GPC6: variants seen among roughly 807,000 people sequenced by gnomAD.
The protein encoded by GPC6 is glypican 6, also known as glypican-6.
GPC6 carries 14 observed loss-of-function variants against 55.2 expected under a neutral mutation model. The observed-to-expected ratio is 0.25, with a 90% confidence interval of 0.17 to 0.40. The LOEUF (loss-of-function observed/expected upper bound fraction) is 0.40, where lower values mean the gene tolerates loss of function less well. GPC6 is among the 10% of genes least tolerant of loss of function. GPC6 has a pLI of 1.00. For synonymous variants in GPC6, 278 were observed against 259.6 expected, an observed-to-expected ratio of 1.07 and a Z score of -0.68; for missense variants, 641 against 708.5, an observed-to-expected ratio of 0.90 and a Z score of 1.08.
chr13:93,539,109 C>T lies in GPC6; in HGVS notation c.161-6154C>T, dbSNP rs539710354. Among the ~76,000 whole-genome samples, 88 of 152,190 alleles carry T rather than the reference C, an allele frequency of 5.8e-4. 1 individual carries two copies. Among genetic ancestry groups the T allele is most frequent in the African/African-American group, 2.0e-3 (83 of 41,526 alleles). ...AAATAACAAATGACAATATAAAAGT[C>T]ATTAAAACACTTAGAGATTTTGATT... On this transcript the variant is annotated intron_variant, in intron 1 of 8. Coordinates refer to ENST00000377047, the MANE Select transcript of GPC6 (RefSeq NM_005708.5).
At chr13:94,354,293 T>C (rs935324922) in intron 6 of GPC6, among the ~76,000 whole-genome samples, 7 of 151,916 alleles carry the variant, frequency 4.6e-5, no homozygotes, top group Non-Finnish European at 7.4e-5. Flanking sequence ...ACTGAAAGAA[T>C]ATCTATTGAG....
chr13:94,231,409 G>T (rs1260749804), intron 4 of GPC6, among the ~76,000 whole-genome samples: 2 of 152,146 alleles, frequency 1.3e-5, no homozygotes, highest in East Asian at 1.9e-4. Flanking sequence ...GAAACATTTG[G>T]CAGTCCGTGT....
At chr13:93,300,231 G>A (rs1448668370) in intron 1 of GPC6, among the ~76,000 whole-genome samples, 1 of 152,132 alleles carries the variant, frequency 6.6e-6, no homozygotes, top group Non-Finnish European at 1.5e-5. Context: ...GGCTTTTCAG[G>A]TGTTTATATT....
chr13:93,336,947 C>G (rs1447435753), intron 1 of GPC6, among the ~76,000 whole-genome samples: 4 of 152,116 alleles, frequency 2.6e-5, no homozygotes, highest in African/African-American at 9.7e-5. Context: ...CAAATGCTGT[C>G]AAAGCTCCTT....
At position 93,853,386 on chromosome 13, in the gene GPC6, A is replaced by C. The variant is rs1224713101; in HGVS notation, c.711+22841A>C. Among the ~76,000 whole-genome samples the C allele has an allele frequency of 2.6e-5, 4 of 151,734 alleles. No homozygotes were observed. The East Asian group carries it at 7.8e-4, about 29-fold the overall frequency. On this transcript the variant is annotated intron_variant, in intron 3 of 8. Transcript: ENST00000377047. Reference sequence around the variant, plus strand: ...TATCATATTACCATTCTCCACAACAATTTCTTTGTCTTTCAAAAACCAAGT... The same window carrying C: ...TATCATATTACCATTCTCCACAACACTTTCTTTGTCTTTCAAAAACCAAGT...
intron 3 of GPC6, among the ~76,000 whole-genome samples, chr13:93,956,992 T>C (rs925173468): frequency 6.6e-6 from 1 of 152,168 alleles, no homozygotes; most frequent in African/African-American, 2.4e-5. Context: ...GAATATCTAT[T>C]GATATGGTAT....
At chr13:93,262,448 ATCCT>A (rs1566545242) in intron 1 of GPC6, among the ~76,000 whole-genome samples, 1 of 152,210 alleles carries the variant, frequency 6.6e-6, no homozygotes, top group Non-Finnish European at 1.5e-5. Context: ...ATTGTGACAA[ATCCT>A]TCCACATGTC....
chr13:94,276,667 CCTATGAGTGAAG>C (rs1892219950), intron 4 of GPC6, among the ~76,000 whole-genome samples: 1 of 152,044 alleles, frequency 6.6e-6, no homozygotes. Context: ...TCAACTCCCA[CCTATGAGTGAAG>C]ACATGCAGAG....
At chr13:93,369,634 T>G (rs1305912153) in intron 1 of GPC6, among the ~76,000 whole-genome samples, 1 of 152,140 alleles carries the variant, frequency 6.6e-6, no homozygotes, top group African/African-American at 2.4e-5. Flanking sequence ...TATTCTAGTT[T>G]GAGCAGAATT....
intron 4 of GPC6, among the ~76,000 whole-genome samples, chr13:94,205,734 T>G (rs1387481500): frequency 6.6e-6 from 1 of 152,228 alleles, no homozygotes; most frequent in Non-Finnish European, 1.5e-5. Flanking sequence ...TCATTTTCTT[T>G]TTTGAGAGCA....
chr13:93,928,892 C>CACAT (rs1878004476), intron 3 of GPC6, among the ~76,000 whole-genome samples: 1 of 148,002 alleles, frequency 6.8e-6, no homozygotes, highest in African/African-American at 2.5e-5. Flanking sequence ...CACACACACA[C>CACAT]ATCTATATAG....
intron 2 of GPC6, among the ~76,000 whole-genome samples, chr13:93,659,227 CT>C (rs1880818330): frequency 6.6e-6 from 1 of 151,798 alleles, no homozygotes; most frequent in Admixed American, 6.6e-5. Context: ...TTGGTCTTCT[CT>C]TTTTGTGGAT....
chr13:93,876,326 T>C (rs1425001167), intron 3 of GPC6, among the ~76,000 whole-genome samples: 2 of 151,944 alleles, frequency 1.3e-5, no homozygotes, highest in African/African-American at 4.8e-5. Flanking sequence ...AAAAAAAACC[T>C]AACTTTTGTC....
chr13:94,167,052 C>T (rs1056349774), intron 4 of GPC6, among the ~76,000 whole-genome samples: 2 of 152,074 alleles, frequency 1.3e-5, no homozygotes, highest in Admixed American at 6.6e-5. Flanking sequence ...ATCTCTTTAT[C>T]GAGAGTTAGG....
At chr13:93,514,192 T>C (rs1410700849) in intron 1 of GPC6, among the ~76,000 whole-genome samples, 1 of 152,028 alleles carries the variant, frequency 6.6e-6, no homozygotes, top group Non-Finnish European at 1.5e-5. Context: ...TTTTCACTAG[T>C]AACCAGAAAG....
chr13:94,041,338 TC>T (rs1883525075), intron 4 of GPC6, among the ~76,000 whole-genome samples: 3 of 151,848 alleles, frequency 2.0e-5, no homozygotes, highest in Non-Finnish European at 1.5e-5. Flanking sequence ...TCTTGATAAA[TC>T]TGTATCCATT....
chr13:94,304,385 G>A (rs975120083), intron 5 of GPC6, among the ~76,000 whole-genome samples: 1 of 152,140 alleles, frequency 6.6e-6, no homozygotes, highest in African/African-American at 2.4e-5. Flanking sequence ...AGCTCTCTGC[G>A]TACTTCAGTG....
chr13:94,364,202 GCTGC>G (rs563967974), intron 6 of GPC6, among the ~76,000 whole-genome samples: 22 of 152,278 alleles, frequency 1.4e-4, no homozygotes, highest in African/African-American at 5.1e-4. Flanking sequence ...GCTAAAGTGG[GCTGC>G]CTATGACACT....
chr13:93,977,512 GTGTGTGGT>G lies in GPC6; in HGVS notation c.712-50216_712-50209del, dbSNP rs1186720842. Among the ~76,000 whole-genome samples, 5 of 107,078 alleles carry G rather than the reference GTGTGTGGT, an allele frequency of 4.7e-5. No homozygotes were observed. The South Asian group carries it at 1.1e-3, about 24-fold the overall frequency. 70.2% of individuals were successfully genotyped at this position (107,078 alleles called of 152,430 possible). A position where few individuals can be genotyped will look rare whatever the true frequency, so the allele number is the denominator to read the frequency against. On this transcript the variant is annotated intron_variant, in intron 3 of 8. Transcript: ENST00000377047. The stretch of plus-strand genomic sequence containing the variant: ...TGTGTGTGTGTGTGTGTGTGTGTGT[GTGTGTGGT>G]GTGTCTTTATTTGTGGTTATTTCAT...
Sources: allele counts gnomAD v4.1 joint callset (sites outside exome capture counted in the v4.1 genomes callset), GRCh38; gene constraint gnomAD v4.1.1; transcripts MANE v1.5; gene names NCBI Gene and HGNC (gene_info 2026-07-23, HGNC 2026-07-21).